The following COL4A2 variants were observed in gnomAD, a reference collection of about 807,000 sequenced individuals.
COL4A2 encodes the protein collagen alpha-2(IV) chain.
COL4A2 carries 99 observed loss-of-function variants against 200.2 expected under a neutral mutation model. That is an observed-to-expected ratio of 0.49 (90% CI 0.42 to 0.58). COL4A2 has a LOEUF of 0.58. Ranked by LOEUF, COL4A2 falls within the 20% of genes least tolerant of loss-of-function variation. COL4A2 has a pLI of 0.00. For missense variants in COL4A2, 1,950 were observed against 2,314.1 expected (o/e 0.84, Z 3.23); for synonymous variants, 897 against 900.6 (o/e 1.00, Z 0.07).
intron 40 of COL4A2, 132 bp from the exon 41 acceptor site, chr13:110,501,536 T>A: frequency 1.4e-6 from 1 of 739,710 alleles, no homozygotes; most frequent in Non-Finnish European, 2.2e-6. Flanking sequence ...TTCCTTGGCC[T>A]GAGGGCACCT....
Position 110,496,944 on chromosome 13 carries a change from T to A in COL4A2, c.3760+1477T>A, listed in dbSNP as rs182084198. 2.7e-3 allele frequency among the ~76,000 whole-genome samples: 343 copies of A among 126,858 alleles called. 3 individuals are homozygous for A. Among genetic ancestry groups the A allele is most frequent in the African/African-American group, 9.7e-3 (311 of 32,020 alleles). The allele number at this position is 126,858 out of a possible 152,430, so 83.2% of individuals were successfully genotyped here. ...AGCACAGCCTCAGTCGGGGTGAAGA[T>A]CTAGGGTTAGCATACCAGCACAGCC... On this transcript the variant is annotated intron_variant, in intron 40 of 47. Transcript: ENST00000360467.
intron 45 of COL4A2, among the ~76,000 whole-genome samples, chr13:110,505,180 C>T (rs1883811089): frequency 1.3e-5 from 2 of 151,502 alleles, no homozygotes; most frequent in African/African-American, 4.9e-5. Context: ...GAAACCCCGT[C>T]TCTACTAAAA....
intron 29 of COL4A2, 124 bp from the exon 30 acceptor site, chr13:110,477,879 G>C (rs9559818): frequency 4.0e-6 from 4 of 988,798 alleles, no homozygotes; most frequent in Non-Finnish European, 4.1e-6. Flanking sequence ...GTGTTTTCCT[G>C]ATTCTCTAGA....
Position 110,503,916 on chromosome 13 carries a change from C to T in COL4A2, c.4208C>T (p.Thr1403Ile). 1 of 1,611,310 alleles carries T rather than the reference C, an allele frequency of 6.2e-7. No homozygotes were observed. Residue 1403 changes from threonine to isoleucine, a missense_variant, in exon 44 of 48, where the codon ACA becomes ATA. By Grantham distance (89) the Thr-to-Ile change is moderately conservative. This residue lies in a region of COL4A2 where 1,385 missense variants were observed against 1,720.5 expected (regional missense o/e 0.80). Coordinates refer to ENST00000360467, the MANE Select transcript of COL4A2 (RefSeq NM_001846.4). ...IPQKIAVQPG[T>I]VGPQGRRGPP... is the part of the protein sequence containing the mutation. ...CAGAAGATTGCCGTCCAACCAGGGA[C>T]AGTGGGTCCCCAGGGGAGGCGAGGC...
At chr13:110,503,592 T>G (rs551150128) in intron 43 of COL4A2, 111 bp downstream of exon 43, 3 of 742,686 alleles carry the variant, frequency 4.0e-6, no homozygotes, top group Non-Finnish European at 6.6e-6. Flanking sequence ...GGGTCACATG[T>G]TGTAAAGAGC....
chr13:110,413,606 C>T (rs1879931266), intron 4 of COL4A2, among the ~76,000 whole-genome samples: 2 of 152,188 alleles, frequency 1.3e-5, no homozygotes, highest in South Asian at 4.1e-4. Context: ...CTGGAGAGTG[C>T]AGTGCACTGT....
intron 4 of COL4A2, among the ~76,000 whole-genome samples, chr13:110,392,966 A>C (rs1053422824): frequency 5.3e-5 from 8 of 152,178 alleles, no homozygotes. Context: ...GAAGGGAAAA[A>C]CTTACATGGA....
intron 4 of COL4A2, among the ~76,000 whole-genome samples, chr13:110,364,317 G>A (rs914861634): frequency 6.6e-6 from 1 of 152,152 alleles, no homozygotes. Flanking sequence ...CTCATCCAGC[G>A]CTGCAGGGGC....
At chr13:110,477,358 G>A (rs1882741488) in intron 29 of COL4A2, among the ~76,000 whole-genome samples, 1 of 152,226 alleles carries the variant, frequency 6.6e-6, no homozygotes, top group South Asian at 2.1e-4. Context: ...CAGTGCTAAC[G>A]CTCAGTGCTG....
At chr13:110,429,799 T>G in intron 7 of COL4A2, 86 bp from the exon 8 acceptor site, 1 of 1,348,708 alleles carries the variant, frequency 7.4e-7, no homozygotes, top group Admixed American at 1.8e-5. Flanking sequence ...AAGTCAATGT[T>G]CAGTCATCCA....
chr13:110,474,777 CCA>C (rs1489030833), intron 29 of COL4A2, among the ~76,000 whole-genome samples: 3 of 145,866 alleles, frequency 2.1e-5, no homozygotes, highest in South Asian at 4.3e-4. Flanking sequence ...ACGCACGTAC[CCA>C]CACACGTGCC....
chr13:110,399,229 C>T (rs1879287910), intron 4 of COL4A2, among the ~76,000 whole-genome samples: 1 of 152,216 alleles, frequency 6.6e-6, no homozygotes, highest in Admixed American at 6.5e-5. Flanking sequence ...GGTTAAACCA[C>T]TTGTCTAGAT....
At chr13:110,371,163 G>T (rs1877992317) in intron 4 of COL4A2, among the ~76,000 whole-genome samples, 3 of 152,196 alleles carry the variant, frequency 2.0e-5, no homozygotes, top group African/African-American at 7.2e-5. Context: ...GAGGACAAGG[G>T]TTCTTCACCA....
At chr13:110,427,539 A>G (rs936292786) in intron 6 of COL4A2, among the ~76,000 whole-genome samples, 1 of 152,240 alleles carries the variant, frequency 6.6e-6, no homozygotes, top group African/African-American at 2.4e-5. Context: ...TCTGGAATAT[A>G]TGTTTGGTTT....
intron 4 of COL4A2, among the ~76,000 whole-genome samples, chr13:110,381,699 C>T (rs1269994859): frequency 6.6e-6 from 1 of 152,152 alleles, no homozygotes; most frequent in African/African-American, 2.4e-5. Flanking sequence ...AAAGGTTGAC[C>T]CTGGACGCAG....
chr13:110,369,238 A>G (rs1361703462), intron 4 of COL4A2, among the ~76,000 whole-genome samples: 1 of 152,148 alleles, frequency 6.6e-6, no homozygotes. Context: ...TAAATAAAGC[A>G]ATTAGAGTTA....
At chr13:110,367,730 C>G (rs1223343651) in intron 4 of COL4A2, among the ~76,000 whole-genome samples, 5 of 152,228 alleles carry the variant, frequency 3.3e-5, no homozygotes, top group Non-Finnish European at 5.9e-5. Flanking sequence ...GCAAAATTAA[C>G]AGAATCCTAT....
intron 16 of COL4A2, among the ~76,000 whole-genome samples, chr13:110,442,118 G>T (rs1004486944): frequency 2.0e-4 from 29 of 143,926 alleles, no homozygotes; most frequent in African/African-American, 6.6e-4. Flanking sequence ...AAAAAAAAGG[G>T]CAGTTCCACA....
intron 27 of COL4A2, chr13:110,468,162 TTAA>T (rs1421289114): frequency 4.2e-6 from 2 of 471,182 alleles, no homozygotes; most frequent in Admixed American, 4.7e-5. Context: ...GCCCTGCACC[TTAA>T]GGGGGTCTTC....
Sources: gnomAD v4.1 joint callset for allele counts (sites outside exome capture counted in the v4.1 genomes callset) on GRCh38, gnomAD v4.1.1 for gene constraint, gnomAD v4.1.1 regional missense constraint, MANE v1.5 for transcripts, NCBI Gene and HGNC (gene_info 2026-07-23, HGNC 2026-07-21) for gene names.